Variants in AGBL4 observed in about 807,000 individuals in gnomAD.
The protein encoded by AGBL4 is AGBL carboxypeptidase 4.
AGBL4 carries 58 observed loss-of-function variants against 66.4 expected under a neutral mutation model. The observed-to-expected ratio is 0.87, with a 90% CI of 0.71 to 1.09. AGBL4 has a LOEUF of 1.09. Ranked by LOEUF, AGBL4 falls within the 50% of genes least tolerant of loss-of-function variation. AGBL4 has a pLI of 0.00. For synonymous variants in AGBL4, 234 were observed against 222.9 expected, an observed-to-expected ratio of 1.05 and a Z score of -0.44; for missense variants, 579 against 631.0, an observed-to-expected ratio of 0.92 and a Z score of 0.88.
At chr1:49,581,366 G>T (rs1013906066) in intron 3 of AGBL4, among the ~76,000 whole-genome samples, 8 of 151,990 alleles carry the variant, frequency 5.3e-5, no homozygotes, top group Non-Finnish European at 1.0e-4. Flanking sequence ...GTTAGAATCT[G>T]TTGTTGGAAA....
intron 3 of AGBL4, among the ~76,000 whole-genome samples, chr1:49,496,473 T>A (rs1647578518): frequency 6.6e-6 from 1 of 151,994 alleles, no homozygotes; most frequent in East Asian, 1.9e-4. Context: ...TCTCTTGAAT[T>A]TATTCCTCCT....
intron 6 of AGBL4, among the ~76,000 whole-genome samples, chr1:48,845,769 C>A (rs541770027): frequency 2.2e-4 from 34 of 152,274 alleles, no homozygotes; most frequent in African/African-American, 7.7e-4. Context: ...CAAATTCCAC[C>A]TTTGCTACAG....
chr1:49,834,264 C>T (rs963708648), intron 2 of AGBL4, among the ~76,000 whole-genome samples: 2 of 151,990 alleles, frequency 1.3e-5, no homozygotes, highest in Admixed American at 6.6e-5. Context: ...TTCAGAACCT[C>T]TTATTGGTCT....
At chr1:49,594,227 A>G (rs1644808096) in intron 3 of AGBL4, among the ~76,000 whole-genome samples, 1 of 152,246 alleles carries the variant, frequency 6.6e-6, no homozygotes, top group East Asian at 1.9e-4. Flanking sequence ...AACTAATATC[A>G]TTGGTTATCT....
chr1:48,755,609 GTCTCTCATTCGCTT>G (rs553954160), intron 6 of AGBL4, among the ~76,000 whole-genome samples: 77 of 152,282 alleles, frequency 5.1e-4, no homozygotes, highest in African/African-American at 1.8e-3. Flanking sequence ...TCAAACAAGG[GTCTCTCATTCGCTT>G]TCTGGTTGTT....
intron 2 of AGBL4, among the ~76,000 whole-genome samples, chr1:49,716,281 T>C (rs1648127315): frequency 6.6e-6 from 1 of 152,124 alleles, no homozygotes; most frequent in Admixed American, 6.6e-5. Flanking sequence ...GAGTTATTTC[T>C]GAAGCCTCTG....
chr1:49,233,572 T>C (rs1199376026), intron 4 of AGBL4, among the ~76,000 whole-genome samples: 1 of 152,186 alleles, frequency 6.6e-6, no homozygotes, highest in Non-Finnish European at 1.5e-5. Flanking sequence ...GACACTGTCC[T>C]CAAGGAATTT....
chr1:48,869,175 A>G (rs1648403005), intron 5 of AGBL4, among the ~76,000 whole-genome samples: 1 of 152,212 alleles, frequency 6.6e-6, no homozygotes, highest in African/African-American at 2.4e-5. Flanking sequence ...CTGCCAACTC[A>G]TAATTCATTC....
chr1:49,329,102 T>C (rs1570446090), intron 3 of AGBL4, among the ~76,000 whole-genome samples: 1 of 151,040 alleles, frequency 6.6e-6, no homozygotes, highest in East Asian at 2.0e-4. Context: ...AGGTGAGGAG[T>C]TCAAGACCAG....
At chr1:49,663,470 T>C (rs542948098) in intron 3 of AGBL4, among the ~76,000 whole-genome samples, 2 of 152,262 alleles carry the variant, frequency 1.3e-5, no homozygotes, top group African/African-American at 4.8e-5. Flanking sequence ...TATGAGACTA[T>C]GAAGTCACAA....
chr1:49,859,804 C>T (rs1571732193), intron 1 of AGBL4, among the ~76,000 whole-genome samples: 1 of 151,908 alleles, frequency 6.6e-6, no homozygotes, highest in African/African-American at 2.4e-5. Flanking sequence ...ACATACTGTC[C>T]CTATTCATAC....
At chr1:49,788,008 A>G (rs1377862554) in intron 2 of AGBL4, among the ~76,000 whole-genome samples, 3 of 152,254 alleles carry the variant, frequency 2.0e-5, no homozygotes, top group African/African-American at 7.2e-5. Context: ...CCAAGCATGC[A>G]GAACATTCCT....
In AGBL4 at chr1:49,967,398, C is replaced by A. The variant is rs1657654581; in HGVS notation, c.34+56365G>T. ...TGAAGCTGGAAACCATCATTCTCAG[C>A]AAACTATCACAAGAACAGAAAACCA... On this transcript the variant is annotated intron_variant, in intron 1 of 13. Coordinates refer to ENST00000371839, the MANE Select transcript of AGBL4 (RefSeq NM_032785.4). Among the ~76,000 whole-genome samples, 5 of 152,190 alleles carry A rather than the reference C, an allele frequency of 3.3e-5. No individual in the cohort carries two copies. In the South Asian group the frequency reaches 1.0e-3, roughly 32 times the overall value.
chr1:49,283,018 C>T lies in AGBL4; in HGVS notation c.283-37154G>A, dbSNP rs527640313. 3.4e-3 allele frequency among the ~76,000 whole-genome samples: 511 copies of T among 152,354 alleles called. 5 individuals are homozygous for T. Among genetic ancestry groups the T allele is most frequent in the African/African-American group, 0.012 (495 of 41,576 alleles). Reference sequence around the variant, plus strand: ...GAAGCTGGAACTGGGTGGTGCCCACCACAGCTCAAGAAGGCCTGCCTGCCT... The same window carrying T: ...GAAGCTGGAACTGGGTGGTGCCCACTACAGCTCAAGAAGGCCTGCCTGCCT... On this transcript the variant is annotated intron_variant, in intron 3 of 13. Coordinates refer to ENST00000371839, the MANE Select transcript of AGBL4 (RefSeq NM_032785.4).
At chr1:49,702,307 A>G (rs1647111590) in intron 2 of AGBL4, among the ~76,000 whole-genome samples, 1 of 152,132 alleles carries the variant, frequency 6.6e-6, no homozygotes, top group Admixed American at 6.6e-5. Context: ...CCTGGCCAAC[A>G]TGGTGAAAAC....
At chr1:49,455,320 G>T (rs1253194730) in intron 3 of AGBL4, among the ~76,000 whole-genome samples, 1 of 151,618 alleles carries the variant, frequency 6.6e-6, no homozygotes, top group East Asian at 1.9e-4. Flanking sequence ...TCTTACTTTG[G>T]ATTACCTCAT....
At chr1:49,212,312 C>T (rs1648736570) in intron 4 of AGBL4, among the ~76,000 whole-genome samples, 1 of 152,080 alleles carries the variant, frequency 6.6e-6, no homozygotes, top group African/African-American at 2.4e-5. Context: ...TCTTATCCTT[C>T]CAATTTATCC....
intron 1 of AGBL4, among the ~76,000 whole-genome samples, chr1:49,967,789 G>A (rs140961754): frequency 2.0e-5 from 3 of 152,006 alleles, no homozygotes; most frequent in East Asian, 1.9e-4. Context: ...TCTTGGTTTC[G>A]GTTTAAATTA....
intron 11 of AGBL4, among the ~76,000 whole-genome samples, chr1:48,558,041 G>T (rs1644346362): frequency 6.6e-6 from 1 of 152,134 alleles, no homozygotes; most frequent in Admixed American, 6.5e-5. Flanking sequence ...AGATAAGTGG[G>T]TCATCCACCA....
Sources: gnomAD v4.1 joint callset for allele counts (sites outside exome capture counted in the v4.1 genomes callset) on GRCh38, gnomAD v4.1.1 for gene constraint, MANE v1.5 for transcripts, NCBI Gene and HGNC (gene_info 2026-07-23, HGNC 2026-07-21) for gene names.